The following ARHGAP10 variants were observed in gnomAD, a reference collection of about 807,000 sequenced individuals.
ARHGAP10 encodes the protein Rho GTPase activating protein 10, also known as rho GTPase-activating protein 10.
ARHGAP10 carries 87 observed loss-of-function variants against 108.6 expected under a neutral mutation model. The observed-to-expected ratio is 0.80, with a 90% confidence interval of 0.67 to 0.96. ARHGAP10 has a LOEUF of 0.96. ARHGAP10 is among the 40% of genes least tolerant of loss of function. ARHGAP10 has a pLI of 0.00. For missense variants in ARHGAP10, 939 were observed against 954.5 expected, an observed-to-expected ratio of 0.98 and a Z score of 0.21; for synonymous variants, 347 against 341.1, an observed-to-expected ratio of 1.02 and a Z score of -0.19.
chr4:147,994,408 G>A (rs1043809270), intron 18 of ARHGAP10, among the ~76,000 whole-genome samples: 17 of 152,152 alleles, frequency 1.1e-4, no homozygotes, highest in African/African-American at 2.2e-4. Context: ...GGTGTTTGTC[G>A]TCATTATTAC....
chr4:147,942,820 G>A (rs1264211933), intron 14 of ARHGAP10, among the ~76,000 whole-genome samples: 2 of 152,240 alleles, frequency 1.3e-5, no homozygotes, highest in African/African-American at 4.8e-5. Flanking sequence ...GCCTAAGGCA[G>A]CTATCCGCTG....
At chr4:148,053,181 A>G (rs910787275) in intron 20 of ARHGAP10, among the ~76,000 whole-genome samples, 5 of 152,160 alleles carry the variant, frequency 3.3e-5, no homozygotes, top group African/African-American at 1.2e-4. Flanking sequence ...ACAAGCAGTA[A>G]AGGACAGGTG....
intron 19 of ARHGAP10, 151 bp downstream of exon 19, chr4:148,023,564 CT>C (rs892745795): frequency 2.4e-5 from 23 of 939,772 alleles, no homozygotes; most frequent in Non-Finnish European, 3.0e-5. Context: ...GAGGGTGAAG[CT>C]TTTTTGTAAG....
intron 1 of ARHGAP10, among the ~76,000 whole-genome samples, chr4:147,752,922 T>C (rs1729222743): frequency 6.6e-6 from 1 of 152,272 alleles, no homozygotes. Flanking sequence ...ATAATAGCCA[T>C]TCCTTTTATT....
chr4:147,888,196 T>C (rs1735646948), intron 10 of ARHGAP10, among the ~76,000 whole-genome samples: 1 of 152,248 alleles, frequency 6.6e-6, no homozygotes, highest in Non-Finnish European at 1.5e-5. Flanking sequence ...TTTTCGCTCT[T>C]CACTCACACT....
intron 18 of ARHGAP10, among the ~76,000 whole-genome samples, chr4:147,992,923 G>A (rs758008946): frequency 1.6e-4 from 24 of 152,180 alleles, no homozygotes; most frequent in Non-Finnish European, 2.9e-4. Context: ...CCTGAATGAA[G>A]AAGAAAGTAA....
intron 13 of ARHGAP10, among the ~76,000 whole-genome samples, chr4:147,935,810 A>G (rs1188091399): frequency 2.0e-5 from 3 of 152,242 alleles, no homozygotes; most frequent in Non-Finnish European, 4.4e-5. Context: ...TGCGATTTCC[A>G]AGCTGCTTTT....
intron 18 of ARHGAP10, among the ~76,000 whole-genome samples, chr4:147,986,759 G>C (rs75093101): frequency 0.046 from 7,006 of 152,252 alleles, 173 homozygotes; most frequent in South Asian, 0.057. Context: ...TTCAGATCCT[G>C]CTCAACAACT....
intron 1 of ARHGAP10, among the ~76,000 whole-genome samples, chr4:147,769,539 G>A (rs1403817985): frequency 2.0e-5 from 3 of 152,066 alleles, no homozygotes; most frequent in Non-Finnish European, 2.9e-5. Flanking sequence ...TTGTTTCCCG[G>A]GGATTTCCGT....
chr4:147,899,707 C>G lies in ARHGAP10; in HGVS notation c.1035-6931C>G, dbSNP rs560145597. 9.7e-5 allele frequency among the ~76,000 whole-genome samples: 8 copies of G among 82,572 alleles called. No individual in the cohort carries two copies. In the South Asian group the frequency reaches 4.4e-3, roughly 45 times the overall value. The allele number at this position is 82,572 out of a possible 152,430, so 54.2% of individuals were successfully genotyped here. A position where few individuals can be genotyped will look rare whatever the true frequency, so the allele number is the denominator to read the frequency against. The stretch of plus-strand genomic sequence containing the variant: ...ACCTTGAGTAAAATTAGGCAACATG[C>G]TTTTATCATCTCTGGAAAAAATGCA... On this transcript the variant is annotated intron_variant, in intron 10 of 22. Coordinates refer to ENST00000336498, the MANE Select transcript of ARHGAP10 (RefSeq NM_024605.4).
intron 7 of ARHGAP10, among the ~76,000 whole-genome samples, chr4:147,871,136 T>C (rs1734808257): frequency 6.6e-6 from 1 of 152,056 alleles, no homozygotes; most frequent in African/African-American, 2.4e-5. Flanking sequence ...ATTTTTGTAT[T>C]TTTAGTAGAG....
chr4:147,822,970 G>T lies in ARHGAP10; in HGVS notation c.312+13G>T. The T allele has an allele frequency of 1.9e-6, 3 of 1,608,152 alleles. No individual in the cohort carries two copies. The South Asian group carries it at 3.3e-5, about 18-fold the overall frequency. On this transcript the variant is annotated intron_variant, in intron 3 of 22. Coordinates refer to ENST00000336498, the MANE Select transcript of ARHGAP10 (RefSeq NM_024605.4). ...GAGAGAAATTATGGTGAGTTGAGAG[G>T]GGTGTAAATTAATAAGTCAGCTTTC...
chr4:147,903,426 T>A (rs1173825858), intron 10 of ARHGAP10, among the ~76,000 whole-genome samples: 1 of 152,240 alleles, frequency 6.6e-6, no homozygotes, highest in Admixed American at 6.5e-5. Context: ...ACCAGAATGC[T>A]GCATTTGTTA....
intron 18 of ARHGAP10, among the ~76,000 whole-genome samples, chr4:148,010,774 C>G (rs950940101): frequency 6.6e-6 from 1 of 152,138 alleles, no homozygotes; most frequent in Non-Finnish European, 1.5e-5. Context: ...TGGGCTGAAT[C>G]AGAATCTGCA....
intron 1 of ARHGAP10, among the ~76,000 whole-genome samples, chr4:147,810,823 A>C (rs1389178685): frequency 1.3e-5 from 2 of 152,230 alleles, no homozygotes; most frequent in Admixed American, 6.5e-5. Flanking sequence ...GAATCTTCCT[A>C]AAGCCATCAT....
At chr4:147,912,445 G>A (rs1323142295) in intron 12 of ARHGAP10, among the ~76,000 whole-genome samples, 1 of 151,010 alleles carries the variant, frequency 6.6e-6, no homozygotes, top group East Asian at 1.9e-4. Flanking sequence ...GGAGGCTGAG[G>A]TGGAAGAATC....
rs374021414 is a variant in ARHGAP10, at chr4:148,048,518, C to A, written c.2027+1467C>A. ...GCTTGTCACCTTTACTCTTCCTTTTCCACAATAAAAATTCTGTTTCACCGT... is the reference window on the plus strand; with the variant it reads ...GCTTGTCACCTTTACTCTTCCTTTTACACAATAAAAATTCTGTTTCACCGT... On this transcript the variant is annotated intron_variant, in intron 20 of 22. Transcript: ENST00000336498. Among the ~76,000 whole-genome samples, 10 of 152,240 alleles carry A rather than the reference C, an allele frequency of 6.6e-5. No homozygotes were observed. In the East Asian group the frequency reaches 1.5e-3, roughly 24 times the overall value.
intron 18 of ARHGAP10, among the ~76,000 whole-genome samples, chr4:147,994,320 A>G (rs186418109): frequency 6.6e-4 from 100 of 152,334 alleles, no homozygotes; most frequent in Non-Finnish European, 1.1e-3. Context: ...TGAGCTTTAT[A>G]TAGTTGCTTG....
chr4:147,785,720 A>G (rs1730865049), intron 1 of ARHGAP10, among the ~76,000 whole-genome samples: 1 of 152,142 alleles, frequency 6.6e-6, no homozygotes, highest in Admixed American at 6.6e-5. Flanking sequence ...TCACTCTGTC[A>G]TTGTTAGCTG....
Sources: gnomAD v4.1 joint callset for allele counts (sites outside exome capture counted in the v4.1 genomes callset) on GRCh38, gnomAD v4.1.1 for gene constraint, MANE v1.5 for transcripts, NCBI Gene and HGNC (gene_info 2026-07-23, HGNC 2026-07-21) for gene names.